The following TRIM71 variants were observed in gnomAD, a reference collection of about 807,000 sequenced individuals.
TRIM71 encodes the protein E3 ubiquitin-protein ligase TRIM71.
Under a neutral mutation model 61.2 loss-of-function variants are expected in TRIM71, and 9 were observed. That is an observed-to-expected ratio of 0.15 (90% CI 0.09 to 0.26). The LOEUF is 0.26. Among genes scored for constraint, TRIM71 ranks in the 10% least tolerant of loss-of-function variants. The pLI is 1.00. For synonymous variants in TRIM71, 645 were observed against 553.2 expected (o/e 1.17, Z -2.33); for missense variants, 998 against 1,238.7 (o/e 0.81, Z 2.92).
chr3:32,858,665 GC>G (rs1327358267), intron 1 of TRIM71, among the ~76,000 whole-genome samples: 1 of 152,164 alleles, frequency 6.6e-6, no homozygotes, highest in Non-Finnish European at 1.5e-5. Context: ...ACTAAGGAAA[GC>G]CACGTAGGGC....
In TRIM71 at chr3:32,891,561, C is replaced by T. The variant is rs749936473; in HGVS notation, c.2357C>T (p.Ser786Leu). 4 of 1,613,632 alleles carry T rather than the reference C, an allele frequency of 2.5e-6. No homozygotes were observed. Among genetic ancestry groups the T allele is most frequent in the Non-Finnish European group, 2.5e-6 (3 of 1,179,750 alleles). ...PDCQSARFLG[S>L]EGTGNGQFLR... ...TGCCAGTCGGCACGCTTTCTGGGCT[C>T]GGAGGGCACAGGCAATGGGCAGTTC... The change falls in exon 4 of 4, where the codon TCG becomes TTG. Residue 786 changes from serine to leucine, a missense_variant. Around this residue, in one of 5 missense-constraint regions of TRIM71, gnomAD observed 95 missense variants for 159.0 expected, o/e 0.60. Transcript: ENST00000383763. This position sits in a 1 kb window ranked among gnomAD's most constrained non-coding sequence, Gnocchi z 8.2.
chr3:32,818,458 T>G lies in TRIM71; in HGVS notation c.378T>G (p.Thr126=). The G allele has an allele frequency of 6.9e-7, 1 of 1,457,636 alleles. No individual in the cohort carries two copies. 90.3% of individuals were successfully genotyped at this position (1,457,636 alleles called of 1,614,324 possible). The change falls in exon 1 of 4, where the codon ACT becomes ACG. Residue 126 remains threonine, a synonymous_variant. Coordinates refer to ENST00000383763, the MANE Select transcript of TRIM71 (RefSeq NM_001039111.3). ...ACCTGCTCGACGCGGTGGTGGCCAC[T>G]GCCGACGAGCCGCCGCCCAAGAACG... is the stretch of plus-strand genomic sequence containing the variant. The part of the protein sequence containing the change: ...LSNLLDAVVA[T]ADEPPPKNGR...
At position 32,886,033 on chromosome 3, in the gene TRIM71, G is replaced by A. The variant is rs755619287; in HGVS notation, c.1120G>A (p.Ala374Thr). 1.9e-6 allele frequency: 3 copies of A among 1,614,146 alleles called. No individual in the cohort carries two copies. Among genetic ancestry groups the A allele is most frequent in the Non-Finnish European group, 2.5e-6 (3 of 1,180,026 alleles). ...VKAVTARHKKALEERECELLW... is the reference protein window; with the variant it reads ...VKAVTARHKKTLEERECELLW... ...AGCCGTGACGGCGAGGCATAAGAAA[G>A]CCCTGGAGGAACGCGAGTGTGAGCT... Residue 374 changes from alanine (A) to threonine (T), a missense_variant, in exon 3 of 4, where the codon GCC (alanine) becomes ACC (threonine). Coordinates refer to ENST00000383763, the MANE Select transcript of TRIM71 (RefSeq NM_001039111.3).
intron 1 of TRIM71, among the ~76,000 whole-genome samples, chr3:32,842,107 A>G (rs2125679359): frequency 6.6e-6 from 1 of 152,368 alleles, no homozygotes; most frequent in Admixed American, 6.5e-5. Context: ...GGGAGAAGAG[A>G]AAGGAAACTC....
chr3:32,853,631 T>TAA (rs1373409136), intron 1 of TRIM71, among the ~76,000 whole-genome samples: 1 of 152,246 alleles, frequency 6.6e-6, no homozygotes, highest in East Asian at 1.9e-4. Flanking sequence ...ACACCCTTTT[T>TAA]CCTGAGGAGA....
At position 32,847,011 on chromosome 3, in the gene TRIM71, G is replaced by T. The variant is rs377230310; in HGVS notation, c.853-26807G>T. ...TTATTTGGGGTATATATACCCAGAA[G>T]TGGGATTGCTGGATCATGTGGAAGT... On this transcript the variant is annotated intron_variant, in intron 1 of 3. Coordinates refer to ENST00000383763, the MANE Select transcript of TRIM71 (RefSeq NM_001039111.3). Among the ~76,000 whole-genome samples the T allele has an allele frequency of 5.9e-5, 9 of 152,170 alleles. No individual in the cohort carries two copies. In the South Asian group the frequency reaches 1.7e-3, roughly 28 times the overall value.
chr3:32,818,329 G>A lies in TRIM71; in HGVS notation c.249G>A (p.Ala83=). 3 of 1,444,500 alleles carry A rather than the reference G, an allele frequency of 2.1e-6. No individual in the cohort carries two copies. Among genetic ancestry groups the A allele is most frequent in the Non-Finnish European group, 2.7e-6 (3 of 1,103,434 alleles). 89.5% of individuals were successfully genotyped at this position (1,444,500 alleles called of 1,614,324 possible). A position where few individuals can be genotyped will look rare whatever the true frequency, so the allele number is the denominator to read the frequency against. ...HRLPAAGGGA[A]GEPLKLRCPV... is the part of the protein sequence containing the mutation. ...TGCCGGCGGCGGGCGGCGGCGCGGC[G>A]GGAGAGCCGCTCAAGCTGCGCTGCC... is the stretch of plus-strand genomic sequence containing the variant. Residue 83 remains alanine (A), a synonymous_variant, in exon 1 of 4, where the codon GCG becomes GCA. Transcript: ENST00000383763.
At chr3:32,847,666 T>A (rs1396376451) in intron 1 of TRIM71, among the ~76,000 whole-genome samples, 1 of 152,264 alleles carries the variant, frequency 6.6e-6, no homozygotes, top group Admixed American at 6.5e-5. Flanking sequence ...CTATCTGTCT[T>A]GAGCTCAGCT....
chr3:32,831,754 C>G (rs1308392046), intron 1 of TRIM71, among the ~76,000 whole-genome samples: 2 of 152,038 alleles, frequency 1.3e-5, no homozygotes, highest in East Asian at 1.9e-4. Flanking sequence ...CCAGGCTGGT[C>G]TTGAACTCCT....
chr3:32,832,062 T>C (rs1047990472), intron 1 of TRIM71, among the ~76,000 whole-genome samples: 3 of 149,462 alleles, frequency 2.0e-5, no homozygotes, highest in Non-Finnish European at 4.5e-5. Flanking sequence ...TTTGACTGTT[T>C]GGGAATATAA....
In TRIM71 at chr3:32,890,413, G is replaced by C. The variant is rs2125693423; in HGVS notation, c.1209G>C (p.Lys403Asn). 1 of 1,614,040 alleles carries C rather than the reference G, an allele frequency of 6.2e-7. No homozygotes were observed. Among genetic ancestry groups the C allele is most frequent in the Non-Finnish European group, 8.5e-7 (1 of 1,179,900 alleles). The change falls in exon 4 of 4, where the codon AAG (lysine) becomes AAC (asparagine). Residue 403 changes from lysine to asparagine, a missense_variant. By Grantham distance (94) the Lys-to-Asn change is moderately conservative. Coordinates refer to ENST00000383763, the MANE Select transcript of TRIM71 (RefSeq NM_001039111.3). The surrounding 1 kb of genome is among the most constrained non-coding windows in gnomAD (Gnocchi z 6.2). ...KAKSLYLQVEKLRQNLNKLES... is the reference protein window; with the variant it reads ...KAKSLYLQVENLRQNLNKLES... ...AGTCTCTGTACCTGCAGGTGGAGAA[G>C]CTGCGGCAAAACCTCAACAAGCTTG...
At chr3:32,855,552 G>A (rs1034617917) in intron 1 of TRIM71, among the ~76,000 whole-genome samples, 3 of 152,178 alleles carry the variant, frequency 2.0e-5, no homozygotes, top group Non-Finnish European at 2.9e-5. Flanking sequence ...TGCTACATGG[G>A]GAACACACTA....
At chr3:32,884,331 A>C (rs879724041) in intron 2 of TRIM71, among the ~76,000 whole-genome samples, 2 of 152,166 alleles carry the variant, frequency 1.3e-5, no homozygotes, top group African/African-American at 2.4e-5. Flanking sequence ...GAGCAAGTCA[A>C]ACTGTTGGGC....
At chr3:32,860,903 G>A (rs949546606) in intron 1 of TRIM71, among the ~76,000 whole-genome samples, 3 of 152,106 alleles carry the variant, frequency 2.0e-5, no homozygotes, top group African/African-American at 7.2e-5. Context: ...GGCTGGGCGC[G>A]GTGGCTCATG....
chr3:32,841,082 T>TA (rs1696398600), intron 1 of TRIM71, among the ~76,000 whole-genome samples: 2 of 151,502 alleles, frequency 1.3e-5, no homozygotes, highest in South Asian at 4.2e-4. Context: ...CCATCTGTAC[T>TA]AAAAAACAAA....
intron 1 of TRIM71, among the ~76,000 whole-genome samples, chr3:32,834,321 A>G (rs952200574): frequency 6.6e-6 from 1 of 152,248 alleles, no homozygotes; most frequent in Non-Finnish European, 1.5e-5. Flanking sequence ...ACTTGACACA[A>G]CAGCTACAAA....
chr3:32,818,348 C>A lies in TRIM71; in HGVS notation c.268C>A (p.Arg90Ser). The change falls in exon 1 of 4, where the codon CGC becomes AGC. Residue 90 changes from arginine (R) to serine (S), a missense_variant. Physicochemically the swap from Arg to Ser is moderately radical, Grantham distance 110. This residue lies in a region of TRIM71 where 527 missense variants were observed against 427.8 expected (regional missense o/e 1.23). Coordinates refer to ENST00000383763, the MANE Select transcript of TRIM71 (RefSeq NM_001039111.3). ...GGAAGEPLKLRCPVCDQKVVL... is the reference protein window; with the variant it reads ...GGAAGEPLKLSCPVCDQKVVL... ...CGCGGCGGGAGAGCCGCTCAAGCTG[C>A]GCTGCCCCGTGTGCGACCAGAAAGT... The A allele has an allele frequency of 6.8e-7, 1 of 1,475,308 alleles. No individual in the cohort carries two copies. The highest frequency in any genetic ancestry group is 3.0e-5 in the East Asian group (1 of 33,552). 91.4% of individuals were successfully genotyped at this position (1,475,308 alleles called of 1,614,324 possible).
chr3:32,847,656 C>CT (rs1325967240), intron 1 of TRIM71, among the ~76,000 whole-genome samples: 2 of 152,226 alleles, frequency 1.3e-5, no homozygotes, highest in Non-Finnish European at 2.9e-5. Flanking sequence ...TACACATTGA[C>CT]TATCTGTCTT....
chr3:32,868,443 A>T (rs1177539053), intron 1 of TRIM71, among the ~76,000 whole-genome samples: 6 of 152,216 alleles, frequency 3.9e-5, no homozygotes, highest in African/African-American at 1.4e-4. Context: ...ATTTTTCAAA[A>T]ATCAGGAAAC....
Sources: allele counts gnomAD v4.1 joint callset (sites outside exome capture counted in the v4.1 genomes callset), GRCh38; gene constraint gnomAD v4.1.1; regional missense constraint gnomAD v4.1.1; non-coding constraint Gnocchi (gnomAD v3.1); transcripts MANE v1.5; gene names NCBI Gene and HGNC (gene_info 2026-07-23, HGNC 2026-07-21).